The following RTTN variants were observed in gnomAD, a reference collection of about 807,000 sequenced individuals.
The protein encoded by RTTN is rotatin.
In RTTN, 182 loss-of-function variants were observed where a neutral mutation model predicts 269.2. The ratio of observed to expected loss-of-function variants is 0.68; its 90% CI spans 0.60 to 0.76. The LOEUF is 0.76. Ranked by LOEUF, RTTN falls within the 30% of genes least tolerant of loss-of-function variation. The probability of loss-of-function intolerance (pLI) is 0.00; values close to 1 mark genes in which losing one functional copy is unlikely to be tolerated. For synonymous variants in RTTN, 1,006 were observed against 963.5 expected, an observed-to-expected ratio of 1.04 and a Z score of -0.82; for missense variants, 2,545 against 2,608.6, an observed-to-expected ratio of 0.98 and a Z score of 0.53.
At chr18:70,132,020 C>G (rs1333362243) in intron 23 of RTTN, 1 of 151,524 alleles carries the variant, frequency 6.6e-6, no homozygotes, top group Non-Finnish European at 1.5e-5. Flanking sequence ...ATGCTAACCA[C>G]TAACCAAATA....
At chr18:70,015,202 C>A (rs1055511440) in intron 46 of RTTN, among the ~76,000 whole-genome samples, 1 of 151,888 alleles carries the variant, frequency 6.6e-6, no homozygotes, top group Non-Finnish European at 1.5e-5. Context: ...CTGGGGACTA[C>A]AAGGTGCCCG....
intron 29 of RTTN, 149 bp from the exon 30 acceptor site, chr18:70,092,369 CA>C: frequency 4.6e-6 from 3 of 654,594 alleles, no homozygotes; most frequent in Non-Finnish European, 7.5e-6. Context: ...AAAAGGCAAA[CA>C]AAAAAATTTG....
intron 10 of RTTN, among the ~76,000 whole-genome samples, chr18:70,178,404 A>T (rs922298925): frequency 6.6e-6 from 1 of 152,234 alleles, no homozygotes; most frequent in Non-Finnish European, 1.5e-5. Flanking sequence ...GGAGCTGGGG[A>T]TAGGCAGAAT....
intron 37 of RTTN, among the ~76,000 whole-genome samples, 164 bp downstream of exon 37, chr18:70,057,578 T>C (rs185596162): frequency 2.6e-5 from 4 of 152,372 alleles, no homozygotes; most frequent in Admixed American, 1.3e-4. Flanking sequence ...CATCCAGACA[T>C]GTCCCATATT....
intron 34 of RTTN, among the ~76,000 whole-genome samples, chr18:70,072,687 T>C (rs1045290514): frequency 6.6e-6 from 1 of 152,142 alleles, no homozygotes; most frequent in Non-Finnish European, 1.5e-5. Flanking sequence ...CTGAAATATG[T>C]ACAAAGATTT....
chr18:70,158,004 C>G (rs892656470), intron 14 of RTTN, among the ~76,000 whole-genome samples: 2 of 151,742 alleles, frequency 1.3e-5, no homozygotes, highest in African/African-American at 4.8e-5. Context: ...GGAGAGAGAG[C>G]AAGCAACTTG....
intron 44 of RTTN, 122 bp downstream of exon 44, chr18:70,024,600 A>G: frequency 2.2e-6 from 2 of 899,030 alleles, no homozygotes; most frequent in East Asian, 2.7e-5. Flanking sequence ...TTTGCCCATC[A>G]TATCCTCAAT....
intron 29 of RTTN, among the ~76,000 whole-genome samples, 182 bp from the exon 30 acceptor site, chr18:70,092,402 A>G (rs1000666727): frequency 3.9e-5 from 6 of 152,232 alleles, no homozygotes; most frequent in Non-Finnish European, 8.8e-5. Context: ...AAAGTTAAAC[A>G]TAACAATTTT....
chr18:70,107,587 GAGAA>G (rs1450874059), intron 28 of RTTN, among the ~76,000 whole-genome samples: 2 of 152,140 alleles, frequency 1.3e-5, no homozygotes, highest in African/African-American at 2.4e-5. Flanking sequence ...ACACACATTT[GAGAA>G]AGACTTTTAA....
rs2145782586 is a variant in RTTN at position 70,148,985 on chromosome 18, T to C, written c.2225A>G (p.Lys742Arg). The C allele has an allele frequency of 6.2e-7, 1 of 1,613,620 alleles. No individual in the cohort carries two copies. The highest frequency in any genetic ancestry group is 8.5e-7 in the Non-Finnish European group (1 of 1,179,614). The stretch of plus-strand genomic sequence containing the variant: ...CATCTCTTCTGTGTCAGAACTTGCT[T>C]TGCTTAGAAGGAGAATGCAGTTACC... Reference protein sequence around the residue: ...PLGNCILLLSKASSDTEEMLP... With the variant: ...PLGNCILLLSRASSDTEEMLP... Residue 742 changes from lysine to arginine, a missense_variant, in exon 17 of 49, where the codon AAA becomes AGA. Coordinates refer to ENST00000640769, the MANE Select transcript of RTTN (RefSeq NM_173630.4).
intron 14 of RTTN, among the ~76,000 whole-genome samples, chr18:70,160,363 GC>G (rs59796450): frequency 0.72 from 108,961 of 151,440 alleles, 46,190 homozygotes; most frequent in East Asian, 1. Flanking sequence ...CACAGAAAAG[GC>G]TTTTGATAAA....
chr18:70,123,488 A>G (rs750593193), intron 25 of RTTN, among the ~76,000 whole-genome samples: 23 of 151,906 alleles, frequency 1.5e-4, no homozygotes, highest in Non-Finnish European at 2.5e-4. Flanking sequence ...CCTTTTCCCT[A>G]CCCATATCCA....
At chr18:70,098,093 T>C (rs918295124) in intron 28 of RTTN, among the ~76,000 whole-genome samples, 8 of 151,664 alleles carry the variant, frequency 5.3e-5, no homozygotes, top group African/African-American at 1.9e-4. Flanking sequence ...CAATTATATA[T>C]TTTTTTTAAT....
Position 70,176,812 on chromosome 18 carries a change from C to T in RTTN, c.1339G>A (p.Gly447Arg), listed in dbSNP as rs748227350. ...EKLLLVLGALGETMCYHKSSI... is the reference protein window; with the variant it reads ...EKLLLVLGALRETMCYHKSSI... ...CTTTTATGGTAGCACATGGTTTCTC[C>T]AAGGGCTCCCAACACCAGGAGTAGT... Residue 447 changes from glycine (G) to arginine (R), a missense_variant, in exon 11 of 49, where the codon GGA becomes AGA. Gly to Arg is a moderately radical substitution (Grantham distance 125, BLOSUM62 -2). Transcript: ENST00000640769. 7 of 1,613,650 alleles carry T rather than the reference C, an allele frequency of 4.3e-6. No homozygotes were observed. The highest frequency in any genetic ancestry group is 5.9e-6 in the Non-Finnish European group (7 of 1,179,800).
chr18:70,108,503 G>A (rs887784273), intron 28 of RTTN, among the ~76,000 whole-genome samples: 2 of 152,084 alleles, frequency 1.3e-5, no homozygotes, highest in African/African-American at 2.4e-5. Flanking sequence ...TCATAAGAAC[G>A]GAATGATTTT....
intron 43 of RTTN, among the ~76,000 whole-genome samples, 185 bp downstream of exon 43, chr18:70,028,539 C>T (rs1190807205): frequency 3.3e-5 from 5 of 152,030 alleles, no homozygotes; most frequent in African/African-American, 7.2e-5. Context: ...TAATCAGTGT[C>T]GATGAATAAT....
chr18:70,016,170 C>G (rs1161124067), intron 46 of RTTN, among the ~76,000 whole-genome samples: 1 of 151,502 alleles, frequency 6.6e-6, no homozygotes, highest in African/African-American at 2.4e-5. Context: ...AGTTGATTAT[C>G]AGAATGCTTA....
In RTTN at chr18:70,020,466, C is replaced by T. The variant is rs1338815443; in HGVS notation, c.6153+149G>A. On this transcript the variant is annotated intron_variant, in intron 45 of 48. Coordinates refer to ENST00000640769, the MANE Select transcript of RTTN (RefSeq NM_173630.4). ...GTGTCATCTATCAACTGGCTTTAAA[C>T]AAAGTGAACCTCTTAACCCTTTTAT... The T allele has an allele frequency of 8.1e-6, 6 of 741,418 alleles. No homozygotes were observed. The East Asian group carries it at 1.5e-4, about 19-fold the overall frequency. The allele number at this position is 741,418 out of a possible 1,614,324, so 45.9% of individuals were successfully genotyped here. A position where few individuals can be genotyped will look rare whatever the true frequency, so the allele number is the denominator to read the frequency against.
intron 21 of RTTN, among the ~76,000 whole-genome samples, chr18:70,135,951 T>C (rs1351757055): frequency 6.6e-6 from 1 of 152,126 alleles, no homozygotes; most frequent in Non-Finnish European, 1.5e-5. Context: ...TTGAAACCTA[T>C]GAAATTCTAA....
Sources: gnomAD v4.1 joint callset for allele counts (sites outside exome capture counted in the v4.1 genomes callset) on GRCh38, gnomAD v4.1.1 for gene constraint, MANE v1.5 for transcripts, NCBI Gene and HGNC (gene_info 2026-07-23, HGNC 2026-07-21) for gene names.